NRG1: variants seen among roughly 807,000 people sequenced by gnomAD.
NRG1 encodes the protein neuregulin 1.
In NRG1, 18 loss-of-function variants were observed where a neutral mutation model predicts 63.8. That is an observed-to-expected ratio of 0.28 (90% CI 0.19 to 0.42). The LOEUF (loss-of-function observed/expected upper bound fraction) is 0.42. Ranked by LOEUF, NRG1 falls within the 10% of genes least tolerant of loss-of-function variation. The pLI is 1.00. For synonymous variants in NRG1, 302 were observed against 301.3 expected (o/e 1.00, Z -0.02); for missense variants, 762 against 814.7 (o/e 0.94, Z 0.79).
Position 32,319,723 on chromosome 8 carries a change from G to A in NRG1, c.38-276105G>A, listed in dbSNP as rs563213114. ...ATTATTATACCAAGAAAGGACATAG[G>A]CTAATAACATAAATTAGGCTTAAGG... On this transcript the variant is annotated intron_variant, in intron 1 of 10. Coordinates refer to the NRG1 transcript ENST00000519301. 9.7e-4 allele frequency among the ~76,000 whole-genome samples: 147 copies of A among 152,118 alleles called. 1 individual carries two copies. Among genetic ancestry groups the A allele is most frequent in the South Asian group, 1.9e-3 (9 of 4,810 alleles).
intron 1 of NRG1, among the ~76,000 whole-genome samples, chr8:32,254,745 T>C (rs1289197679): frequency 6.6e-6 from 1 of 152,210 alleles, no homozygotes; most frequent in Non-Finnish European, 1.5e-5. Context: ...TTCTGTCTTG[T>C]TGATCTGTCT....
At chr8:32,639,879 C>A (rs543551931) in intron 5 of NRG1, among the ~76,000 whole-genome samples, 222 of 152,290 alleles carry the variant, frequency 1.5e-3, no homozygotes, top group Non-Finnish European at 2.4e-3. Flanking sequence ...ATTGGTTATT[C>A]AAGGTATTTC....
intron 1 of NRG1, among the ~76,000 whole-genome samples, chr8:32,244,597 T>G (rs902599051): frequency 3.3e-5 from 5 of 152,182 alleles, no homozygotes; most frequent in Admixed American, 1.3e-4. Flanking sequence ...ACCACTTTTT[T>G]CTAGAAGCAT....
Position 32,598,057 on chromosome 8 carries a change from C to G in NRG1, c.278+2052C>G, listed in dbSNP as rs1843673546. On this transcript the variant is annotated intron_variant, in intron 2 of 11. Transcript: ENST00000356819. ...ATTTCTACGTGGCTGTCAAAGGATA[C>G]CAGTAATATTTAAGTGCCCATGAAA... 2.0e-5 allele frequency among the ~76,000 whole-genome samples: 3 copies of G among 152,026 alleles called. No homozygotes were observed. The South Asian group carries it at 6.2e-4, about 32-fold the overall frequency.
At chr8:32,647,733 C>A (rs77808765) in intron 5 of NRG1, 48 of 1,578,098 alleles carry the variant, frequency 3.0e-5, no homozygotes, top group Non-Finnish European at 3.8e-5. Flanking sequence ...GATTTATTCC[C>A]CAGACATGTC....
chr8:32,680,952 C>G (rs2128915811), intron 5 of NRG1, among the ~76,000 whole-genome samples: 1 of 151,412 alleles, frequency 6.6e-6, no homozygotes, highest in Non-Finnish European at 1.5e-5. Context: ...AAACAAGTAT[C>G]TAAGATGTTC....
intron 1 of NRG1, among the ~76,000 whole-genome samples, chr8:32,558,444 A>G (rs1246813981): frequency 6.6e-6 from 1 of 152,128 alleles, no homozygotes; most frequent in Non-Finnish European, 1.5e-5. Context: ...CCCTTATGAA[A>G]TAGAAAAGGA....
At chr8:31,760,832 G>C (rs1177954589) in intron 1 of NRG1, among the ~76,000 whole-genome samples, 1 of 152,128 alleles carries the variant, frequency 6.6e-6, no homozygotes, top group Non-Finnish European at 1.5e-5. Context: ...GGAGAAATAG[G>C]AACACTTTTA....
At chr8:31,866,495 A>G (rs1008022710) in intron 1 of NRG1, among the ~76,000 whole-genome samples, 12 of 152,180 alleles carry the variant, frequency 7.9e-5, no homozygotes, top group Non-Finnish European at 1.0e-4. Flanking sequence ...TCATTGCTAC[A>G]TTTTTGGACA....
chr8:32,420,641 G>A (rs1816597807), intron 1 of NRG1, among the ~76,000 whole-genome samples: 1 of 151,964 alleles, frequency 6.6e-6, no homozygotes, highest in Non-Finnish European at 1.5e-5. Context: ...ATCAATGGAT[G>A]TGGAGTGTTT....
At chr8:32,509,092 A>C (rs371105340) in intron 1 of NRG1, among the ~76,000 whole-genome samples, 1 of 134,174 alleles carries the variant, frequency 7.5e-6, no homozygotes, top group Non-Finnish European at 1.6e-5. Context: ...ATTTTATTTT[A>C]TTTTATATTT....
At chr8:31,955,106 A>G (rs1804148260) in intron 1 of NRG1, among the ~76,000 whole-genome samples, 1 of 152,218 alleles carries the variant, frequency 6.6e-6, no homozygotes, top group African/African-American at 2.4e-5. Context: ...GTGTAAAAAT[A>G]GTTGTGCTTT....
At position 32,159,459 on chromosome 8, in the gene NRG1, A is replaced by G. The variant is rs368092783; in HGVS notation, c.38-436369A>G. Among the ~76,000 whole-genome samples, 1,295 of 144,076 alleles carry G rather than the reference A, an allele frequency of 9.0e-3. 19 individuals are homozygous for G. The highest frequency in any genetic ancestry group is 0.039 in the South Asian group (183 of 4,736). The allele number at this position is 144,076 out of a possible 152,430, so 94.5% of individuals were successfully genotyped here. A position where few individuals can be genotyped will look rare whatever the true frequency, so the allele number is the denominator to read the frequency against. ...TGAGGCAGGAGAATGGCGTGAACCC[A>G]GGAAGCGGTGCTTGCAGTGAGCCGA... On this transcript the variant is annotated intron_variant, in intron 1 of 10. Transcript: ENST00000519301.
chr8:32,772,266 A>G (rs977928214), downstream of NRG1, among the ~76,000 whole-genome samples: 1 of 151,464 alleles, frequency 6.6e-6, no homozygotes, highest in Non-Finnish European at 1.5e-5. Flanking sequence ...GTATGAAGCA[A>G]TTAATAATTT....
At chr8:32,178,097 A>G (rs1170824774) in intron 1 of NRG1, among the ~76,000 whole-genome samples, 1 of 152,138 alleles carries the variant, frequency 6.6e-6, no homozygotes, top group African/African-American at 2.4e-5. Context: ...CAGAATTCTG[A>G]AAAACTCCAT....
At chr8:32,248,999 T>C (rs1164981131) in intron 1 of NRG1, among the ~76,000 whole-genome samples, 2 of 152,098 alleles carry the variant, frequency 1.3e-5, no homozygotes, top group African/African-American at 4.8e-5. Context: ...AGTAAAAGTG[T>C]TTAAGGCTCA....
chr8:32,210,454 AG>A (rs1456204499), intron 1 of NRG1, among the ~76,000 whole-genome samples: 1 of 152,170 alleles, frequency 6.6e-6, no homozygotes, highest in Non-Finnish European at 1.5e-5. Flanking sequence ...ACCTCCCGAA[AG>A]GGTCTTGAAG....
chr8:32,098,046 C>G (rs1404013299), intron 1 of NRG1, among the ~76,000 whole-genome samples: 1 of 152,096 alleles, frequency 6.6e-6, no homozygotes, highest in Non-Finnish European at 1.5e-5. Flanking sequence ...GGGATCAAAA[C>G]CAAGCCTTGG....
intron 1 of NRG1, among the ~76,000 whole-genome samples, chr8:31,727,283 A>T (rs544258325): frequency 6.6e-6 from 1 of 152,262 alleles, no homozygotes; most frequent in Admixed American, 6.5e-5. Flanking sequence ...TTACTTCACA[A>T]ACAAAAATGT....
Sources: gnomAD v4.1 joint callset for allele counts (sites outside exome capture counted in the v4.1 genomes callset) on GRCh38, gnomAD v4.1.1 for gene constraint, MANE v1.5 for transcripts, NCBI Gene and HGNC (gene_info 2026-07-23, HGNC 2026-07-21) for gene names.